Variants in USH2A observed in about 807,000 individuals in gnomAD.
USH2A encodes Usher syndrome 2A (autosomal recessive, mild).
Under a neutral mutation model 538.9 loss-of-function variants are expected in USH2A, and 443 were observed. The ratio of observed to expected loss-of-function variants is 0.82; its 90% CI spans 0.76 to 0.89. The LOEUF (loss-of-function observed/expected upper bound fraction) is 0.89, where lower values mean the gene tolerates loss of function less well. USH2A is among the 40% of genes least tolerant of loss of function. USH2A has a pLI of 0.00. For synonymous variants in USH2A, 2,413 were observed against 2,273.5 expected, an observed-to-expected ratio of 1.06 and a Z score of -1.75; for missense variants, 6,633 against 6,324.8, an observed-to-expected ratio of 1.05 and a Z score of -1.65.
intron 31 of USH2A, 140 bp from the exon 32 acceptor site, chr1:216,046,732 T>C: frequency 1.0e-6 from 1 of 984,588 alleles, no homozygotes; most frequent in East Asian, 2.6e-5. Flanking sequence ...AGCTTGTCAG[T>C]AATTGCTTTA....
chr1:215,973,656 C>CTTCTTCTT (rs1358991956), intron 35 of USH2A, among the ~76,000 whole-genome samples: 2 of 130,960 alleles, frequency 1.5e-5, no homozygotes, highest in Admixed American at 7.9e-5. Context: ...TCTTCTTCTT[C>CTTCTTCTT]TTTTTTTTTT....
chr1:216,163,728 A>G (rs551314742), intron 21 of USH2A, among the ~76,000 whole-genome samples: 6 of 152,132 alleles, frequency 3.9e-5, no homozygotes, highest in South Asian at 2.1e-4. Context: ...TAGGATTTCA[A>G]TTGAAAACCT....
chr1:215,743,402 G>GTATA lies in USH2A; in HGVS notation c.11390-68_11390-67insTATA, dbSNP rs773547162. ...TATATATATATGTGTGTGTGTGTGT[G>GTATA]TGTGTGTGTGTGTGTATATATATAT... On this transcript the variant is annotated intron_variant, in intron 58 of 71. Coordinates refer to ENST00000307340, the MANE Select transcript of USH2A (RefSeq NM_206933.4). The GTATA allele has an allele frequency of 1.1e-4, 50 of 446,032 alleles. 2 individuals carry two copies. The highest frequency in any genetic ancestry group is 3.6e-4 in the African/African-American group (13 of 36,606). 27.6% of individuals were successfully genotyped at this position (446,032 alleles called of 1,614,324 possible).
chr1:216,077,984 C>T, intron 27 of USH2A, 105 bp downstream of exon 27: 7 of 1,399,584 alleles, frequency 5.0e-6, no homozygotes, highest in Non-Finnish European at 7.0e-6. Context: ...CTGTTGGGTG[C>T]TGCTTTTAGC....
At chr1:215,836,464 T>TA (rs1357954832) in intron 47 of USH2A, among the ~76,000 whole-genome samples, 1 of 27,916 alleles carries the variant, frequency 3.6e-5, no homozygotes, top group South Asian at 1.1e-3. Flanking sequence ...TGTATATATA[T>TA]TATATATATA....
chr1:215,894,119 G>A (rs1329700111), intron 40 of USH2A, among the ~76,000 whole-genome samples: 1 of 152,148 alleles, frequency 6.6e-6, no homozygotes, highest in Non-Finnish European at 1.5e-5. Flanking sequence ...TCAGCAATCA[G>A]AGGTTAGTAC....
At chr1:216,300,485 G>A (rs1301633415) in intron 9 of USH2A, among the ~76,000 whole-genome samples, 2 of 152,194 alleles carry the variant, frequency 1.3e-5, no homozygotes, top group South Asian at 2.1e-4. Context: ...AATCAACTCC[G>A]CTAAGTTGCA....
intron 32 of USH2A, among the ~76,000 whole-genome samples, chr1:216,031,316 G>A (rs1301789190): frequency 1.3e-5 from 2 of 152,062 alleles, no homozygotes; most frequent in Non-Finnish European, 2.9e-5. Context: ...CTACAGCAAG[G>A]TTAATGGAAA....
At chr1:215,993,278 C>A (rs988522904) in intron 34 of USH2A, 111 bp from the exon 35 acceptor site, 45 of 1,465,564 alleles carry the variant, frequency 3.1e-5, no homozygotes, top group Middle Eastern at 1.8e-4. Context: ...TATAGTGCTA[C>A]CTTTACTTCC....
intron 11 of USH2A, among the ~76,000 whole-genome samples, chr1:216,264,266 C>G (rs1165156699): frequency 2.0e-5 from 3 of 151,924 alleles, no homozygotes; most frequent in African/African-American, 7.2e-5. Context: ...TCTTTAAATT[C>G]CCATGGAACC....
intron 11 of USH2A, among the ~76,000 whole-genome samples, chr1:216,283,109 T>C (rs746638045): frequency 2.6e-4 from 39 of 152,132 alleles, no homozygotes; most frequent in Non-Finnish European, 4.3e-4. Context: ...TGTTGTTAGA[T>C]GTAGTCTCGT....
At chr1:216,234,600 A>G (rs535653621) in intron 13 of USH2A, among the ~76,000 whole-genome samples, 1 of 152,146 alleles carries the variant, frequency 6.6e-6, no homozygotes, top group African/African-American at 2.4e-5. Context: ...AGGCCCTTAA[A>G]TCCATGATGA....
At chr1:215,654,495 T>G (rs1571933620) in intron 64 of USH2A, among the ~76,000 whole-genome samples, 1 of 152,324 alleles carries the variant, frequency 6.6e-6, no homozygotes, top group East Asian at 1.9e-4. Flanking sequence ...TGGTGAACAC[T>G]TTCACATGTG....
At chr1:216,279,378 A>C (rs972918792) in intron 11 of USH2A, among the ~76,000 whole-genome samples, 1 of 152,134 alleles carries the variant, frequency 6.6e-6, no homozygotes, top group South Asian at 2.1e-4. Context: ...GATGGAGCAA[A>C]GTAAACCCAC....
At chr1:215,740,823 C>T (rs1660278943) in intron 60 of USH2A, among the ~76,000 whole-genome samples, 2 of 152,080 alleles carry the variant, frequency 1.3e-5, no homozygotes, top group South Asian at 4.1e-4. Flanking sequence ...GAAATTATTC[C>T]ACCTCAGATC....
At chr1:216,265,421 T>C (rs1213089128) in intron 11 of USH2A, among the ~76,000 whole-genome samples, 6 of 151,880 alleles carry the variant, frequency 4.0e-5, no homozygotes, top group African/African-American at 7.3e-5. Context: ...CATACCATTA[T>C]GGAAAAAAGT....
At chr1:215,791,443 CA>C (rs1661978575) in intron 50 of USH2A, among the ~76,000 whole-genome samples, 1 of 152,114 alleles carries the variant, frequency 6.6e-6, no homozygotes, top group Non-Finnish European at 1.5e-5. Flanking sequence ...TAAAAAAAAT[CA>C]TTGAAAGTAG....
chr1:216,375,050 A>C (rs977617019), intron 3 of USH2A, among the ~76,000 whole-genome samples: 1 of 152,156 alleles, frequency 6.6e-6, no homozygotes, highest in African/African-American at 2.4e-5. Flanking sequence ...GAATATAGAC[A>C]GATACTACTA....
intron 47 of USH2A, among the ~76,000 whole-genome samples, chr1:215,837,560 C>T (rs1480631298): frequency 6.6e-6 from 1 of 152,088 alleles, no homozygotes; most frequent in Non-Finnish European, 1.5e-5. Context: ...ATTGGTAATG[C>T]TTATCTAAAC....
Sources: allele counts gnomAD v4.1 joint callset (sites outside exome capture counted in the v4.1 genomes callset), GRCh38; gene constraint gnomAD v4.1.1; transcripts MANE v1.5; gene names NCBI Gene and HGNC (gene_info 2026-07-23, HGNC 2026-07-21).